Variants in KCND2 observed in about 807,000 individuals in gnomAD.
KCND2 encodes the protein potassium voltage-gated channel subfamily D member 2.
KCND2 carries 16 observed loss-of-function variants against 54.4 expected under a neutral mutation model. The observed-to-expected ratio is 0.29, with a 90% CI of 0.20 to 0.45. KCND2 has a LOEUF of 0.45. Among genes scored for constraint, KCND2 ranks in the 20% least tolerant of loss-of-function variants. The pLI, the probability that KCND2 is intolerant of heterozygous loss-of-function variation, is 1.00. For missense variants in KCND2, 486 were observed against 824.2 expected (o/e 0.59, Z 5.02); for synonymous variants, 317 against 310.7 (o/e 1.02, Z -0.21).
intron 1 of KCND2, among the ~76,000 whole-genome samples, chr7:120,517,827 A>G (rs929057849): frequency 2.0e-5 from 3 of 152,096 alleles, no homozygotes; most frequent in Non-Finnish European, 4.4e-5. Context: ...CCAGTTGTCA[A>G]TCTCCTACTA....
At chr7:120,727,059 C>T (rs1179922063) in intron 1 of KCND2, among the ~76,000 whole-genome samples, 1 of 152,114 alleles carries the variant, frequency 6.6e-6, no homozygotes, top group East Asian at 1.9e-4. Flanking sequence ...TGGAAAGTCA[C>T]GCATTAGCTA....
In KCND2 at chr7:120,344,316, G is replaced by C. The variant is rs569450730; in HGVS notation, c.1115+68569G>C. ...GAACCAGACAAGATAACACATAAAA[G>C]AACAGATATTGTAGTAATGAGAGCA... On this transcript the variant is annotated intron_variant, in intron 1 of 5. Coordinates refer to ENST00000331113, the MANE Select transcript of KCND2 (RefSeq NM_012281.3). 1.4e-4 allele frequency among the ~76,000 whole-genome samples: 22 copies of C among 152,218 alleles called. 1 individual carries two copies. The South Asian group carries it at 4.6e-3, about 32-fold the overall frequency.
At chr7:120,708,689 T>A (rs1260774125) in intron 1 of KCND2, among the ~76,000 whole-genome samples, 1 of 152,120 alleles carries the variant, frequency 6.6e-6, no homozygotes, top group African/African-American at 2.4e-5. Context: ...TTCCCAATTA[T>A]CTTTCCTACT....
chr7:120,641,754 C>CTTTTTTTT (rs5886998), intron 1 of KCND2, among the ~76,000 whole-genome samples: 2 of 129,908 alleles, frequency 1.5e-5, no homozygotes, highest in African/African-American at 2.9e-5. Context: ...CAAGCATATT[C>CTTTTTTTT]TTTTTTTTTT....
chr7:120,697,398 A>G (rs1178154470), intron 1 of KCND2, among the ~76,000 whole-genome samples: 1 of 152,118 alleles, frequency 6.6e-6, no homozygotes, highest in African/African-American at 2.4e-5. Flanking sequence ...TATTATAATT[A>G]TTTGTTTTAG....
At chr7:120,531,463 C>T (rs564619916) in intron 1 of KCND2, among the ~76,000 whole-genome samples, 2 of 152,198 alleles carry the variant, frequency 1.3e-5, no homozygotes, top group African/African-American at 4.8e-5. Context: ...CCACCTTTCT[C>T]CTGTTCTTAT....
At chr7:120,714,083 CTAA>C (rs1283931334) in intron 1 of KCND2, among the ~76,000 whole-genome samples, 1 of 152,056 alleles carries the variant, frequency 6.6e-6, no homozygotes, top group Admixed American at 6.6e-5. Flanking sequence ...TATTTAATCT[CTAA>C]TGATAATCGA....
chr7:120,373,577 G>T (rs898768832), intron 1 of KCND2, among the ~76,000 whole-genome samples: 1 of 151,766 alleles, frequency 6.6e-6, no homozygotes, highest in African/African-American at 2.4e-5. Context: ...CTTTTAGGAC[G>T]CATCCAAGAG....
At chr7:120,277,561 T>A (rs1799195704) in intron 1 of KCND2, among the ~76,000 whole-genome samples, 1 of 152,066 alleles carries the variant, frequency 6.6e-6, no homozygotes, top group African/African-American at 2.4e-5. Context: ...CAGTGAATCA[T>A]TTTAATGCTA....
intron 1 of KCND2, among the ~76,000 whole-genome samples, chr7:120,657,036 C>T (rs941562704): frequency 2.6e-5 from 4 of 151,940 alleles, no homozygotes; most frequent in African/African-American, 9.7e-5. Context: ...AGGAAAATAG[C>T]TTTGTAACAG....
At chr7:120,497,191 A>G (rs1802861170) in intron 1 of KCND2, among the ~76,000 whole-genome samples, 1 of 152,196 alleles carries the variant, frequency 6.6e-6, no homozygotes, top group South Asian at 2.1e-4. Context: ...TAAAAATAAT[A>G]AGCACATAAG....
At chr7:120,733,315 T>A (rs762274786) in intron 2 of KCND2, among the ~76,000 whole-genome samples, 3 of 152,134 alleles carry the variant, frequency 2.0e-5, no homozygotes, top group Non-Finnish European at 2.9e-5. Context: ...ACAGTGTACT[T>A]CTGCAGTCAC....
chr7:120,670,168 A>G (rs1452750601), intron 1 of KCND2, among the ~76,000 whole-genome samples: 1 of 152,100 alleles, frequency 6.6e-6, no homozygotes, highest in Non-Finnish European at 1.5e-5. Flanking sequence ...ATAAAATAAA[A>G]TAAAAAGTCA....
At chr7:120,524,138 G>C (rs1339106722) in intron 1 of KCND2, among the ~76,000 whole-genome samples, 2 of 151,956 alleles carry the variant, frequency 1.3e-5, no homozygotes, top group African/African-American at 2.4e-5. Flanking sequence ...AGCAGGCTGA[G>C]GCAGAAGAAT....
intron 1 of KCND2, among the ~76,000 whole-genome samples, chr7:120,712,795 T>A (rs1023212436): frequency 6.6e-6 from 1 of 152,180 alleles, no homozygotes; most frequent in Non-Finnish European, 1.5e-5. Flanking sequence ...GCCTAAATTT[T>A]CTGAACAAAT....
chr7:120,662,509 C>G (rs192909294), intron 1 of KCND2, among the ~76,000 whole-genome samples: 22 of 152,294 alleles, frequency 1.4e-4, no homozygotes, highest in African/African-American at 5.1e-4. Flanking sequence ...ATGGATCTCT[C>G]TATTGCATGT....
chr7:120,543,062 CACTAAGGTTTTATT>C (rs1791998408), intron 1 of KCND2, among the ~76,000 whole-genome samples: 1 of 152,020 alleles, frequency 6.6e-6, no homozygotes, highest in African/African-American at 2.4e-5. Context: ...TATAGACATT[CACTAAGGTTTTATT>C]AAGGAGATAA....
intron 1 of KCND2, among the ~76,000 whole-genome samples, chr7:120,291,807 A>G (rs1294071719): frequency 1.3e-5 from 2 of 151,880 alleles, no homozygotes; most frequent in African/African-American, 4.8e-5. Flanking sequence ...GAAATGACCA[A>G]TTGTTTTCTT....
intron 1 of KCND2, among the ~76,000 whole-genome samples, chr7:120,426,677 A>T (rs545291246): frequency 7.9e-6 from 1 of 126,206 alleles, no homozygotes; most frequent in Non-Finnish European, 1.5e-5. Flanking sequence ...GCTGGAGTGC[A>T]GTGGCGCAAT....
Sources: allele counts gnomAD v4.1 joint callset (sites outside exome capture counted in the v4.1 genomes callset), GRCh38; gene constraint gnomAD v4.1.1; transcripts MANE v1.5; gene names NCBI Gene and HGNC (gene_info 2026-07-23, HGNC 2026-07-21).